The following CDH23 variants were observed in gnomAD, a reference collection of about 807,000 sequenced individuals.
CDH23 encodes the protein cadherin-23.
Under a neutral mutation model 317.1 loss-of-function variants are expected in CDH23, and 189 were observed. That is an observed-to-expected ratio of 0.60 (90% CI 0.53 to 0.67). The LOEUF (loss-of-function observed/expected upper bound fraction) is 0.67. CDH23 is among the 30% of genes least tolerant of loss of function. CDH23 has a pLI of 0.00. For synonymous variants in CDH23, 1,839 were observed against 1,876.8 expected (o/e 0.98, Z 0.52); for missense variants, 4,401 against 4,592.4 (o/e 0.96, Z 1.20).
intron 6 of CDH23, among the ~76,000 whole-genome samples, chr10:71,532,718 T>G (rs765875520): frequency 0.019 from 818 of 42,024 alleles, 4 homozygotes; most frequent in South Asian, 0.042. Context: ...TTTGTTTTTT[T>G]TTTTTTTTGT....
chr10:71,756,655 CAGG>C (rs1271992432), intron 38 of CDH23, among the ~76,000 whole-genome samples: 3 of 152,208 alleles, frequency 2.0e-5, no homozygotes, highest in African/African-American at 7.2e-5. Context: ...CTGCTGACTG[CAGG>C]AGTTTAGCTG....
chr10:71,537,385 A>G (rs1855760151), intron 6 of CDH23, among the ~76,000 whole-genome samples: 1 of 152,104 alleles, frequency 6.6e-6, no homozygotes, highest in Non-Finnish European at 1.5e-5. Flanking sequence ...TCCCATTTGC[A>G]TTTTCGTTTG....
intron 9 of CDH23, among the ~76,000 whole-genome samples, chr10:71,593,767 C>T (rs1387416584): frequency 6.6e-6 from 1 of 152,206 alleles, no homozygotes; most frequent in Non-Finnish European, 1.5e-5. Context: ...CCCACATTGA[C>T]ACAGGAGCCA....
intron 8 of CDH23, among the ~76,000 whole-genome samples, chr10:71,574,712 A>G (rs1333609324): frequency 6.6e-6 from 1 of 152,128 alleles, no homozygotes; most frequent in African/African-American, 2.4e-5. Context: ...CTTTCCTGAC[A>G]AGGGCATCTT....
intron 55 of CDH23, among the ~76,000 whole-genome samples, chr10:71,805,153 G>T (rs1841672332): frequency 6.6e-6 from 1 of 152,154 alleles, no homozygotes; most frequent in Non-Finnish European, 1.5e-5. Context: ...GGGCAGCCTT[G>T]TCATGGGTCA....
At chr10:71,417,465 G>A (rs955563466) in intron 1 of CDH23, among the ~76,000 whole-genome samples, 1 of 152,138 alleles carries the variant, frequency 6.6e-6, no homozygotes, top group Admixed American at 6.5e-5. Context: ...ATTTCAATCA[G>A]TTTCAAAAGA....
chr10:71,785,501 C>A, intron 43 of CDH23, 130 bp from the exon 44 acceptor site: 1 of 658,756 alleles, frequency 1.5e-6, no homozygotes, highest in South Asian at 1.8e-5. Context: ...CCCTGCCGAC[C>A]CACATTTTTG....
chr10:71,592,793 C>CG (rs1859582580), intron 9 of CDH23, among the ~76,000 whole-genome samples: 1 of 152,192 alleles, frequency 6.6e-6, no homozygotes, highest in Non-Finnish European at 1.5e-5. Context: ...TTCAGCCCAC[C>CG]ATAGCATCCG....
intron 32 of CDH23, chr10:71,732,711 G>C: frequency 3.2e-6 from 4 of 1,257,916 alleles, no homozygotes; most frequent in Non-Finnish European, 3.0e-6. Flanking sequence ...GTAAGATAAA[G>C]TTTATACCTA....
At chr10:71,624,165 C>T (rs770429755) in intron 11 of CDH23, among the ~76,000 whole-genome samples, 1 of 152,166 alleles carries the variant, frequency 6.6e-6, no homozygotes, top group South Asian at 2.1e-4. Flanking sequence ...TTCCCTGAGC[C>T]GGCTCCACGG....
intron 6 of CDH23, among the ~76,000 whole-genome samples, chr10:71,550,573 A>AAAG (rs1856527625): frequency 8.7e-6 from 1 of 114,306 alleles, no homozygotes; most frequent in Non-Finnish European, 1.8e-5. Context: ...AAAAAAAAAA[A>AAAG]AAAAGAAAAA....
At chr10:71,671,173 T>G (rs866132670) in intron 14 of CDH23, among the ~76,000 whole-genome samples, 3 of 152,088 alleles carry the variant, frequency 2.0e-5, no homozygotes, top group African/African-American at 7.2e-5. Context: ...TTGACCAGAC[T>G]GGTCTTGAAC....
At chr10:71,798,630 C>T in intron 50 of CDH23, 52 bp downstream of exon 50, 3 of 1,410,398 alleles carry the variant, frequency 2.1e-6, no homozygotes, top group Non-Finnish European at 2.9e-6. Context: ...TCTCTGCTTG[C>T]TTAGTCCCCA....
chr10:71,739,792 G>A lies in CDH23; in HGVS notation c.4488+20G>A, dbSNP rs1237659871. The A allele has an allele frequency of 6.3e-7, 1 of 1,598,606 alleles. No individual in the cohort carries two copies. Among genetic ancestry groups the A allele is most frequent in the Non-Finnish European group, 8.5e-7 (1 of 1,172,302 alleles). On this transcript the variant is annotated intron_variant, in intron 36 of 69. Coordinates refer to ENST00000224721, the MANE Select transcript of CDH23 (RefSeq NM_022124.6). ...CTCCAGGTGGGGCCTGGCCTCCCTT[G>A]GACTGAGAGACCACTGGCTAAGTGC...
At chr10:71,724,251 G>A (rs1735560209) in intron 29 of CDH23, 146 bp downstream of exon 29, 3 of 785,494 alleles carry the variant, frequency 3.8e-6, no homozygotes, top group Admixed American at 2.5e-5. Context: ...AGGAAACAGG[G>A]ACATTCTCCT....
chr10:71,726,922 A>G (rs976375224), intron 30 of CDH23, among the ~76,000 whole-genome samples: 1 of 152,180 alleles, frequency 6.6e-6, no homozygotes, highest in Non-Finnish European at 1.5e-5. Context: ...AACCTTCTGT[A>G]TACACAAAAT....
At chr10:71,614,766 A>C (rs1268282789) in intron 9 of CDH23, among the ~76,000 whole-genome samples, 2 of 152,168 alleles carry the variant, frequency 1.3e-5, no homozygotes, top group East Asian at 3.8e-4. Flanking sequence ...AGGAGGCAGG[A>C]AAGAGCATAG....
At chr10:71,791,450 G>T in intron 47 of CDH23, 115 bp downstream of exon 47, 1 of 852,860 alleles carries the variant, frequency 1.2e-6, no homozygotes, top group Non-Finnish European at 1.9e-6. Context: ...AAGATGGGCA[G>T]CAGGGTGAGT....
intron 3 of CDH23, among the ~76,000 whole-genome samples, chr10:71,496,585 C>A (rs1852985128): frequency 6.6e-6 from 1 of 152,222 alleles, no homozygotes; most frequent in African/African-American, 2.4e-5. Flanking sequence ...GATGCAGACA[C>A]CAGTATTGCT....
Sources: allele counts gnomAD v4.1 joint callset (sites outside exome capture counted in the v4.1 genomes callset), GRCh38; gene constraint gnomAD v4.1.1; transcripts MANE v1.5; gene names NCBI Gene and HGNC (gene_info 2026-07-23, HGNC 2026-07-21).